Variants in PTPRD observed in about 807,000 individuals in gnomAD.
PTPRD encodes the protein protein tyrosine phosphatase receptor type D, also known as receptor-type tyrosine-protein phosphatase delta.
In PTPRD, 34 loss-of-function variants were observed where a neutral mutation model predicts 214.5. That is an observed-to-expected ratio of 0.16 (90% CI 0.12 to 0.21). The LOEUF (loss-of-function observed/expected upper bound fraction) is 0.21, where lower values mean the gene tolerates loss of function less well. Among genes scored for constraint, PTPRD ranks in the 10% least tolerant of loss-of-function variants. The pLI, the probability that PTPRD is intolerant of heterozygous loss-of-function variation, is 1.00. For synonymous variants in PTPRD, 1,128 were observed against 845.7 expected, an observed-to-expected ratio of 1.33 and a Z score of -5.79; for missense variants, 2,545 against 2,398.7, an observed-to-expected ratio of 1.06 and a Z score of -1.27.
intron 10 of PTPRD, among the ~76,000 whole-genome samples, chr9:9,133,819 T>G (rs60642850): frequency 0.014 from 2,126 of 152,220 alleles, 40 homozygotes; most frequent in East Asian, 0.065. Context: ...ACATGTAGAA[T>G]GAGAAAGGCT....
At chr9:10,604,099 A>AGGGG (rs1384894286) in intron 2 of PTPRD, among the ~76,000 whole-genome samples, 1 of 151,848 alleles carries the variant, frequency 6.6e-6, no homozygotes, top group Non-Finnish European at 1.5e-5. Flanking sequence ...TTGGCAATAG[A>AGGGG]AACAGAAATA....
chr9:9,234,810 C>A (rs948976771), intron 9 of PTPRD, among the ~76,000 whole-genome samples: 2 of 152,192 alleles, frequency 1.3e-5, no homozygotes, highest in African/African-American at 4.8e-5. Flanking sequence ...CCACTATCAG[C>A]ATTTCGCTAA....
chr9:8,762,226 T>G (rs893758885), intron 11 of PTPRD, among the ~76,000 whole-genome samples: 1 of 152,190 alleles, frequency 6.6e-6, no homozygotes, highest in East Asian at 1.9e-4. Flanking sequence ...TCATAACTAA[T>G]TTCATGGAGG....
chr9:9,255,977 C>T (rs2099977529), intron 9 of PTPRD, among the ~76,000 whole-genome samples: 2 of 151,942 alleles, frequency 1.3e-5, no homozygotes, highest in Admixed American at 1.3e-4. Flanking sequence ...GATTACAGGG[C>T]TTGAAGAGGA....
chr9:9,597,126 C>G (rs937477534), intron 7 of PTPRD, among the ~76,000 whole-genome samples: 5 of 151,976 alleles, frequency 3.3e-5, no homozygotes, highest in African/African-American at 1.2e-4. Context: ...CCTTAAACAT[C>G]TTCCTGCTCT....
At chr9:8,743,089 G>C (rs1286441545) in intron 11 of PTPRD, among the ~76,000 whole-genome samples, 1 of 128,704 alleles carries the variant, frequency 7.8e-6, no homozygotes, top group African/African-American at 2.7e-5. Context: ...TTGGCACAGA[G>C]GAAAAATTCC....
intron 20 of PTPRD, among the ~76,000 whole-genome samples, chr9:8,520,594 T>C (rs1477750482): frequency 6.6e-6 from 1 of 152,154 alleles, no homozygotes; most frequent in African/African-American, 2.4e-5. Flanking sequence ...TCTAGAATTC[T>C]ATAAACACTA....
At chr9:9,742,239 T>C (rs2098411253) in intron 6 of PTPRD, among the ~76,000 whole-genome samples, 1 of 152,180 alleles carries the variant, frequency 6.6e-6, no homozygotes, top group Admixed American at 6.5e-5. Flanking sequence ...TTAGTAAAAT[T>C]GGCTGAGAAA....
chr9:8,845,555 G>C (rs1377356054), intron 11 of PTPRD, among the ~76,000 whole-genome samples: 1 of 152,216 alleles, frequency 6.6e-6, no homozygotes, highest in Non-Finnish European at 1.5e-5. Flanking sequence ...TACAGGCATG[G>C]CACAGCCATT....
At chr9:9,134,795 T>C (rs1198243510) in intron 10 of PTPRD, among the ~76,000 whole-genome samples, 3 of 149,044 alleles carry the variant, frequency 2.0e-5, no homozygotes, top group Non-Finnish European at 3.0e-5. Context: ...TGAAATCTGG[T>C]ATTTGGAGTG....
At chr9:10,074,858 G>A (rs767754290) in intron 3 of PTPRD, among the ~76,000 whole-genome samples, 1 of 152,094 alleles carries the variant, frequency 6.6e-6, no homozygotes, top group Non-Finnish European at 1.5e-5. Flanking sequence ...ACCATTTCAG[G>A]CCTCTAGTAA....
At position 10,518,584 on chromosome 9, in the gene PTPRD, G is replaced by C. The variant is rs146036247; in HGVS notation, c.-600+93814C>G. On this transcript the variant is annotated intron_variant, in intron 2 of 45. Transcript: ENST00000381196. Reference sequence around the variant, plus strand: ...GTCTCGCACTGTCACCCAGGCTGGAGTGCAGCGGCCCAATCTTGGCTCACT... The same window carrying C: ...GTCTCGCACTGTCACCCAGGCTGGACTGCAGCGGCCCAATCTTGGCTCACT... Among the ~76,000 whole-genome samples the C allele has an allele frequency of 5.3e-5, 8 of 151,570 alleles. No individual in the cohort carries two copies. The East Asian group carries it at 1.4e-3, about 26-fold the overall frequency.
At chr9:10,255,346 C>A (rs1252739432) in intron 3 of PTPRD, among the ~76,000 whole-genome samples, 1 of 152,148 alleles carries the variant, frequency 6.6e-6, no homozygotes, top group African/African-American at 2.4e-5. Flanking sequence ...GGCTACAAAC[C>A]TGTATAGCAT....
chr9:10,232,478 A>T (rs1450283010), intron 3 of PTPRD, among the ~76,000 whole-genome samples: 2 of 152,016 alleles, frequency 1.3e-5, no homozygotes, highest in African/African-American at 2.4e-5. Flanking sequence ...GTAAAGGAAG[A>T]GTACAACAAA....
At chr9:9,594,711 T>C (rs1624716) in intron 7 of PTPRD, among the ~76,000 whole-genome samples, 56,397 of 151,888 alleles carry the variant, frequency 0.37, 10,900 homozygotes, top group Non-Finnish European at 0.4. Flanking sequence ...GTGATGCCTC[T>C]AGATTTATTC....
intron 10 of PTPRD, among the ~76,000 whole-genome samples, chr9:9,135,677 T>C (rs1291439384): frequency 6.6e-6 from 1 of 152,216 alleles, no homozygotes; most frequent in East Asian, 1.9e-4. Context: ...ACTCACTTTA[T>C]GCAGGATTAT....
chr9:9,781,854 G>A (rs1425855455), intron 5 of PTPRD, among the ~76,000 whole-genome samples: 8 of 150,580 alleles, frequency 5.3e-5, no homozygotes, highest in East Asian at 2.0e-4. Flanking sequence ...GTGCAGTGGC[G>A]CAATCTCGGC....
chr9:9,161,770 G>A (rs1322821773), intron 10 of PTPRD, among the ~76,000 whole-genome samples: 5 of 151,870 alleles, frequency 3.3e-5, no homozygotes, highest in Non-Finnish European at 5.9e-5. Context: ...ACATACTTGT[G>A]TATCATACTA....
At chr9:9,202,264 G>A (rs1040329655) in intron 9 of PTPRD, among the ~76,000 whole-genome samples, 3 of 152,142 alleles carry the variant, frequency 2.0e-5, no homozygotes, top group African/African-American at 4.8e-5. Flanking sequence ...CAGATCTATT[G>A]CAGTCTTACC....
Sources: allele counts gnomAD v4.1 joint callset (sites outside exome capture counted in the v4.1 genomes callset), GRCh38; gene constraint gnomAD v4.1.1; transcripts MANE v1.5; gene names NCBI Gene and HGNC (gene_info 2026-07-23, HGNC 2026-07-21).